MAP4K3: variants seen among roughly 807,000 people sequenced by gnomAD.
MAP4K3 encodes the protein MAPK/ERK kinase kinase kinase 3.
In MAP4K3, 94 loss-of-function variants were observed where a neutral mutation model predicts 143.5. The ratio of observed to expected loss-of-function variants is 0.65; its 90% confidence interval spans 0.55 to 0.78. The LOEUF (loss-of-function observed/expected upper bound fraction) is 0.78, where lower values mean the gene tolerates loss of function less well. Among genes scored for constraint, MAP4K3 ranks in the 30% least tolerant of loss-of-function variants. The probability of loss-of-function intolerance (pLI) is 0.00; values close to 1 mark genes in which losing one functional copy is unlikely to be tolerated. For synonymous variants in MAP4K3, 416 were observed against 347.2 expected (o/e 1.20, Z -2.20); for missense variants, 1,077 against 1,068.1 (o/e 1.01, Z -0.12).
At chr2:39,269,458 T>G (rs1275153443) in intron 26 of MAP4K3, among the ~76,000 whole-genome samples, 5 of 148,742 alleles carry the variant, frequency 3.4e-5, no homozygotes, top group Non-Finnish European at 3.0e-5. Flanking sequence ...AAGCTTAGAT[T>G]TTTGCTCAGG....
intron 1 of MAP4K3, among the ~76,000 whole-genome samples, chr2:39,422,398 A>T (rs1458967233): frequency 1.3e-5 from 2 of 152,162 alleles, no homozygotes; most frequent in African/African-American, 4.8e-5. Context: ...TTGGAAACAG[A>T]GGAAAGACCA....
At chr2:39,269,342 A>G (rs1014098337) in intron 26 of MAP4K3, among the ~76,000 whole-genome samples, 12 of 152,058 alleles carry the variant, frequency 7.9e-5, no homozygotes, top group African/African-American at 2.7e-4. Flanking sequence ...ATGAAAAGCT[A>G]TAATTTTAGC....
intron 4 of MAP4K3, 59 bp downstream of exon 4, chr2:39,343,329 A>T: frequency 9.0e-7 from 1 of 1,116,470 alleles, no homozygotes; most frequent in Non-Finnish European, 1.3e-6. Context: ...TAATATAGTA[A>T]ATAGCTGTAT....
At chr2:39,306,231 TTG>T (rs1682703155) in intron 15 of MAP4K3, among the ~76,000 whole-genome samples, 1 of 152,258 alleles carries the variant, frequency 6.6e-6, no homozygotes, top group Admixed American at 6.5e-5. Flanking sequence ...TTTGATTGTG[TTG>T]TCTTTATTTC....
chr2:39,416,006 A>ATATATATATATATATATAT (rs1420812309), intron 1 of MAP4K3, among the ~76,000 whole-genome samples: 43 of 75,848 alleles, frequency 5.7e-4, no homozygotes, highest in African/African-American at 2.1e-3. Flanking sequence ...TATATATATA[A>ATATATATATATATATATAT]AAATAACATT....
chr2:39,287,914 G>C (rs1366806093), intron 20 of MAP4K3, among the ~76,000 whole-genome samples: 1 of 152,048 alleles, frequency 6.6e-6, no homozygotes, highest in Non-Finnish European at 1.5e-5. Context: ...GAGAAATGAG[G>C]ACAAAATATC....
intron 2 of MAP4K3, among the ~76,000 whole-genome samples, chr2:39,377,481 A>C (rs1212097503): frequency 6.6e-6 from 1 of 152,100 alleles, no homozygotes; most frequent in East Asian, 1.9e-4. Context: ...GTGGGTTTTG[A>C]GGGAAGTAGG....
chr2:39,301,929 C>G (rs565535014), intron 15 of MAP4K3, among the ~76,000 whole-genome samples: 75 of 152,018 alleles, frequency 4.9e-4, no homozygotes, highest in Non-Finnish European at 9.4e-4. Context: ...GAGGCTGAGG[C>G]AGGAGAATCG....
intron 2 of MAP4K3, among the ~76,000 whole-genome samples, chr2:39,375,092 C>G (rs1211760162): frequency 6.6e-6 from 1 of 152,092 alleles, no homozygotes; most frequent in Non-Finnish European, 1.5e-5. Flanking sequence ...GAGACCCTGT[C>G]TCTACAAAAA....
At chr2:39,321,895 C>T (rs984765781) in intron 12 of MAP4K3, among the ~76,000 whole-genome samples, 6 of 152,184 alleles carry the variant, frequency 3.9e-5, no homozygotes, top group Admixed American at 1.3e-4. Flanking sequence ...GACCCTCTCC[C>T]CACTATTGTC....
At chr2:39,416,004 T>TATAA (rs1206690314) in intron 1 of MAP4K3, among the ~76,000 whole-genome samples, 5 of 76,076 alleles carry the variant, frequency 6.6e-5, no homozygotes, top group South Asian at 4.5e-4. Flanking sequence ...TATATATATA[T>TATAA]AAAAATAACA....
At chr2:39,333,505 C>T in intron 7 of MAP4K3, 27 bp downstream of exon 7, 4 of 1,563,844 alleles carry the variant, frequency 2.6e-6, no homozygotes, top group Non-Finnish European at 3.5e-6. Flanking sequence ...TAGATTTGTG[C>T]ACGTGACAAA....
At chr2:39,384,811 T>C (rs1207770846) in intron 1 of MAP4K3, among the ~76,000 whole-genome samples, 2 of 152,240 alleles carry the variant, frequency 1.3e-5, no homozygotes, top group Non-Finnish European at 2.9e-5. Context: ...GATACAGTTC[T>C]AGTAATTTTA....
Position 39,295,715 on chromosome 2 carries a change from G to GTTT in MAP4K3, c.1179-2450_1179-2448dup, listed in dbSNP as rs56299783. Reference sequence around the variant, plus strand: ...GATTTATATTGCATTCGCATTCCATGTTTTTTTTTTTTTTTTTTTTGAGAT... The same window carrying GTTT: ...GATTTATATTGCATTCGCATTCCATGTTTTTTTTTTTTTTTTTTTTTTTGAGAT... On this transcript the variant is annotated intron_variant, in intron 16 of 33. Transcript: ENST00000263881. 1.5e-4 allele frequency among the ~76,000 whole-genome samples: 15 copies of GTTT among 98,530 alleles called. 1 individual carries two copies. The highest frequency in any genetic ancestry group is 4.1e-4 in the African/African-American group (12 of 29,430). 64.6% of individuals were successfully genotyped at this position (98,530 alleles called of 152,430 possible). A position where few individuals can be genotyped will look rare whatever the true frequency, so the allele number is the denominator to read the frequency against.
Position 39,339,807 on chromosome 2 carries a change from AAAC to A in MAP4K3, c.311-2229_311-2227del, listed in dbSNP as rs373348788. Among the ~76,000 whole-genome samples the A allele has an allele frequency of 2.4e-4, 36 of 152,276 alleles. No individual in the cohort carries two copies. The East Asian group carries it at 5.4e-3, about 23-fold the overall frequency. ...TGAGGTCACCAGGATCCCAGAAAAA[AAAC>A]AACAACAACCCAAAAAACAAAAACA... On this transcript the variant is annotated intron_variant, in intron 4 of 33. Transcript: ENST00000263881.
At chr2:39,324,373 C>T (rs1477599011) in intron 12 of MAP4K3, among the ~76,000 whole-genome samples, 2 of 151,926 alleles carry the variant, frequency 1.3e-5, no homozygotes, top group Non-Finnish European at 2.9e-5. Context: ...TGCCATTGCA[C>T]TCCAGCCTGG....
intron 32 of MAP4K3, among the ~76,000 whole-genome samples, chr2:39,253,535 T>G (rs1406787451): frequency 6.6e-6 from 1 of 151,964 alleles, no homozygotes; most frequent in Admixed American, 6.6e-5. Flanking sequence ...GATGAAAAAA[T>G]ATAGGTAGAA....
At chr2:39,385,997 T>C (rs1201081284) in intron 1 of MAP4K3, among the ~76,000 whole-genome samples, 6 of 152,204 alleles carry the variant, frequency 3.9e-5, no homozygotes, top group Non-Finnish European at 5.9e-5. Flanking sequence ...GCAGAATTTA[T>C]GAATTGAATT....
At chr2:39,326,033 C>G in intron 9 of MAP4K3, 72 bp from the exon 10 acceptor site, 1 of 1,474,120 alleles carries the variant, frequency 6.8e-7, no homozygotes, top group Non-Finnish European at 9.3e-7. Context: ...AATTCTATTA[C>G]TATTTGTTCC....
Sources: gnomAD v4.1 joint callset for allele counts (sites outside exome capture counted in the v4.1 genomes callset) on GRCh38, gnomAD v4.1.1 for gene constraint, MANE v1.5 for transcripts, NCBI Gene and HGNC (gene_info 2026-07-23, HGNC 2026-07-21) for gene names.